Variants in PUM2 observed in about 807,000 individuals in gnomAD.
PUM2 encodes pumilio homolog 2.
A neutral mutation model predicts 124.5 loss-of-function variants in PUM2; 57 were observed. The ratio of observed to expected loss-of-function variants is 0.46; its 90% CI spans 0.37 to 0.57. The LOEUF (loss-of-function observed/expected upper bound fraction) is 0.57. Ranked by LOEUF, PUM2 falls within the 20% of genes least tolerant of loss-of-function variation. PUM2 has a pLI of 0.00. For missense variants in PUM2, 1,065 were observed against 1,290.6 expected, an observed-to-expected ratio of 0.83 and a Z score of 2.68; for synonymous variants, 460 against 446.1, an observed-to-expected ratio of 1.03 and a Z score of -0.39.
chr2:20,292,302 T>G (rs539699195), intron 9 of PUM2, among the ~76,000 whole-genome samples: 2 of 151,722 alleles, frequency 1.3e-5, no homozygotes, highest in South Asian at 2.1e-4. Flanking sequence ...GGTAGTTTTT[T>G]TTTTTTTTTT....
intron 13 of PUM2, among the ~76,000 whole-genome samples, chr2:20,264,336 CAAAAAAAAAAAAAAAA>C (rs869149732): frequency 2.0e-4 from 5 of 25,384 alleles, no homozygotes; most frequent in African/African-American, 8.5e-4. Flanking sequence ...CACTCTGTCT[CAAAAAAAAAAAAAAAA>C]AAAAAAAAAA....
chr2:20,309,740 T>C (rs1429795682), intron 5 of PUM2, among the ~76,000 whole-genome samples: 1 of 152,190 alleles, frequency 6.6e-6, no homozygotes, highest in African/African-American at 2.4e-5. Context: ...TGCCAGTTGC[T>C]ACAGCTAACT....
Position 20,263,474 on chromosome 2 carries a change from G to T in PUM2, c.1958-14C>A, listed in dbSNP as rs755097463. 1.9e-6 allele frequency: 3 copies of T among 1,558,192 alleles called. No individual in the cohort carries two copies. The highest frequency in any genetic ancestry group is 2.6e-6 in the Non-Finnish European group (3 of 1,143,208). On this transcript the variant is annotated splice_polypyrimidine_tract_variant and intron_variant, in intron 13 of 20. Transcript: ENST00000361078. ...TTGTCAGTCCTCCTACAACAAAGCA[G>T]CTATGGTCAGCAAGTATTTTTGACA...
chr2:20,346,593 A>G (rs1249676621), intron 1 of PUM2, among the ~76,000 whole-genome samples: 1 of 152,216 alleles, frequency 6.6e-6, no homozygotes, highest in Non-Finnish European at 1.5e-5. Flanking sequence ...CACCACTTTG[A>G]GATCCAGAAC....
chr2:20,267,985 G>T (rs72787403), intron 13 of PUM2, among the ~76,000 whole-genome samples: 8,558 of 152,320 alleles, frequency 0.056, 332 homozygotes, highest in Middle Eastern at 0.11. Context: ...ATCCAAGGAT[G>T]CAGAATCTGT....
chr2:20,327,474 G>GT, intron 1 of PUM2, 96 bp from the exon 2 acceptor site: 1 of 744,238 alleles, frequency 1.3e-6, no homozygotes, highest in Non-Finnish European at 2.1e-6. Context: ...ACTAATATTA[G>GT]CATGATCTGA....
chr2:20,257,022 C>T (rs111253882), intron 16 of PUM2, among the ~76,000 whole-genome samples: 6,569 of 115,752 alleles, frequency 0.057, 206 homozygotes, highest in Middle Eastern at 0.14. Flanking sequence ...CCAGCCTGGG[C>T]GACACAGCAA....
chr2:20,293,139 T>C (rs968616043), intron 9 of PUM2, among the ~76,000 whole-genome samples: 6 of 152,168 alleles, frequency 3.9e-5, no homozygotes, highest in African/African-American at 1.4e-4. Flanking sequence ...GAAAACTTAG[T>C]CTGGTCAAGG....
chr2:20,266,853 T>C (rs1474340558), intron 13 of PUM2, among the ~76,000 whole-genome samples: 5 of 152,128 alleles, frequency 3.3e-5, no homozygotes, highest in East Asian at 3.9e-4. Context: ...CTCTTTCTTA[T>C]AAAGGTAATC....
chr2:20,294,609 C>A (rs949437167), intron 8 of PUM2, 91 bp from the exon 9 acceptor site: 6 of 1,363,024 alleles, frequency 4.4e-6, no homozygotes, highest in Non-Finnish European at 5.9e-6. Flanking sequence ...TAAAAGGGGG[C>A]AGGAAGAAGA....
chr2:20,252,940 A>C (rs1418586622), intron 20 of PUM2, among the ~76,000 whole-genome samples: 3 of 152,222 alleles, frequency 2.0e-5, no homozygotes, highest in Non-Finnish European at 4.4e-5. Context: ...TTTACATAGC[A>C]CTTACACTGT....
intron 20 of PUM2, among the ~76,000 whole-genome samples, chr2:20,253,135 G>A (rs1663867684): frequency 6.6e-6 from 1 of 152,084 alleles, no homozygotes; most frequent in Admixed American, 6.6e-5. Flanking sequence ...ATAAGATGAA[G>A]GCAAAAAGAA....
chr2:20,295,581 AAAT>A (rs1675326085), intron 8 of PUM2, among the ~76,000 whole-genome samples: 1 of 152,164 alleles, frequency 6.6e-6, no homozygotes, highest in South Asian at 2.1e-4. Flanking sequence ...TACATTGTAA[AAAT>A]AATAAAAAGG....
chr2:20,274,954 C>A (rs1305887348), intron 13 of PUM2, among the ~76,000 whole-genome samples: 1 of 606 alleles, frequency 1.7e-3, no homozygotes, highest in Non-Finnish European at 6.3e-3. Context: ...AGTGAAGTAT[C>A]TCCAAAAAAA....
At chr2:20,339,338 C>T (rs1686767222) in intron 1 of PUM2, among the ~76,000 whole-genome samples, 1 of 149,328 alleles carries the variant, frequency 6.7e-6, no homozygotes, top group South Asian at 2.1e-4. Context: ...GTTAACCCAT[C>T]TCAAGAGAAA....
chr2:20,285,571 CCT>C (rs1309863472), intron 10 of PUM2, among the ~76,000 whole-genome samples: 2 of 152,090 alleles, frequency 1.3e-5, no homozygotes, highest in African/African-American at 2.4e-5. Flanking sequence ...GCATTCTGTT[CCT>C]CTGTCACAGC....
intron 7 of PUM2, among the ~76,000 whole-genome samples, chr2:20,301,316 T>C (rs1348022925): frequency 1.3e-5 from 2 of 152,190 alleles, no homozygotes; most frequent in African/African-American, 4.8e-5. Context: ...TAGAAAACAA[T>C]GTATTAGGGT....
intron 1 of PUM2, among the ~76,000 whole-genome samples, chr2:20,335,297 A>G (rs922954787): frequency 2.0e-5 from 3 of 152,220 alleles, no homozygotes; most frequent in African/African-American, 7.2e-5. Context: ...CTGAATTCCT[A>G]AAGAATACTT....
intron 13 of PUM2, among the ~76,000 whole-genome samples, chr2:20,264,869 G>A (rs187947985): frequency 1.8e-4 from 28 of 152,206 alleles, no homozygotes; most frequent in African/African-American, 5.8e-4. Flanking sequence ...GAGTAAATTG[G>A]GTTAGAACAT....
Sources: gnomAD v4.1 joint callset for allele counts (sites outside exome capture counted in the v4.1 genomes callset) on GRCh38, gnomAD v4.1.1 for gene constraint, MANE v1.5 for transcripts, NCBI Gene and HGNC (gene_info 2026-07-23, HGNC 2026-07-21) for gene names.